The following PGC variants were observed in gnomAD, a reference collection of about 807,000 sequenced individuals.
PGC encodes the protein gastricsin.
Under a neutral mutation model 45.9 loss-of-function variants are expected in PGC, and 31 were observed. The ratio of observed to expected loss-of-function variants is 0.67; its 90% confidence interval spans 0.51 to 0.91. PGC has a LOEUF of 0.91. Among genes scored for constraint, PGC ranks in the 40% least tolerant of loss-of-function variants. The pLI, the probability that PGC is intolerant of heterozygous loss-of-function variation, is 0.00. For synonymous variants in PGC, 192 were observed against 201.8 expected (o/e 0.95, Z 0.41); for missense variants, 477 against 493.2 (o/e 0.97, Z 0.31).
chr6:41,741,530 C>T (rs1471660604), intron 5 of PGC, among the ~76,000 whole-genome samples: 1 of 152,174 alleles, frequency 6.6e-6, no homozygotes, highest in East Asian at 1.9e-4. Context: ...CCTGTAATCC[C>T]AGCTACTTGG....
chr6:41,739,277 T>C (rs149576103), intron 7 of PGC, among the ~76,000 whole-genome samples: 1 of 152,184 alleles, frequency 6.6e-6, no homozygotes, highest in Non-Finnish European at 1.5e-5. Context: ...TGCCTAATAG[T>C]AACCTCCTTC....
intron 1 of PGC, among the ~76,000 whole-genome samples, chr6:41,745,293 C>T (rs1771911120): frequency 6.6e-6 from 1 of 151,884 alleles, no homozygotes; most frequent in African/African-American, 2.4e-5. Flanking sequence ...GGCTAGAGTG[C>T]AATGGCACAA....
In PGC at chr6:41,737,021, G is replaced by A. The variant is rs1335452077; in HGVS notation, c.1015-17C>T. On this transcript the variant is annotated splice_polypyrimidine_tract_variant and intron_variant, in intron 8 of 8. Coordinates refer to ENST00000373025, the MANE Select transcript of PGC (RefSeq NM_002630.4). ...GCCGTTGTTCTGCTCAACAAAGAAA[G>A]GCAGCACTCATTCATTTGTCCACAC... is the stretch of plus-strand genomic sequence containing the variant. 2.5e-6 allele frequency: 4 copies of A among 1,608,820 alleles called. No individual in the cohort carries two copies. Among genetic ancestry groups the A allele is most frequent in the South Asian group, 1.1e-5 (1 of 90,342 alleles).
At chr6:41,743,488 G>A in intron 3 of PGC, 99 bp from the exon 4 acceptor site, 1 of 784,766 alleles carries the variant, frequency 1.3e-6, no homozygotes, top group African/African-American at 1.7e-5. Flanking sequence ...CGCTCAGGCT[G>A]CGCTCACATC....
intron 1 of PGC, 33 bp downstream of exon 1, chr6:41,747,243 C>G: frequency 6.3e-7 from 1 of 1,599,442 alleles, no homozygotes; most frequent in African/African-American, 1.3e-5. Context: ...CCCATCCAGG[C>G]TCCCTGCACC....
Position 41,744,687 on chromosome 6 carries a change from C to T in PGC, c.181G>A (p.Val61Met), listed in dbSNP as rs567722895. 1.0e-4 allele frequency: 169 copies of T among 1,614,158 alleles called. No homozygotes were observed. The East Asian group carries it at 2.6e-3, about 25-fold the overall frequency. ...ATGTAGGCCATGGGCTCGTAGGTCA[C>T]GCTGAGGTCACCAAAGCGGTACTTC... ...AWKYRFGDLS[V>M]TYEPMAYMDA... Residue 61 changes from valine to methionine, a missense_variant, in exon 2 of 9, where the codon GTG (valine) becomes ATG (methionine). Coordinates refer to ENST00000373025, the MANE Select transcript of PGC (RefSeq NM_002630.4). This position sits in a 1 kb window ranked among gnomAD's most constrained non-coding sequence, Gnocchi z 4.4.
intron 1 of PGC, 127 bp downstream of exon 1, chr6:41,747,149 A>T: frequency 1.3e-6 from 1 of 762,848 alleles, no homozygotes; most frequent in Non-Finnish European, 2.3e-6. Context: ...GCAAAGGGAG[A>T]CTTCCCTTCC....
intron 7 of PGC, among the ~76,000 whole-genome samples, chr6:41,738,157 C>CATATATATATACAT (rs5875767): frequency 1.1e-4 from 3 of 27,792 alleles, no homozygotes; most frequent in African/African-American, 2.4e-4. Context: ...TATATATATA[C>CATATATATATACAT]ATATATATGC....
chr6:41,742,565 C>T lies in PGC; in HGVS notation c.448-76G>A, dbSNP rs1581953333. 6 of 1,075,140 alleles carry T rather than the reference C, an allele frequency of 5.6e-6. No individual in the cohort carries two copies. The South Asian group carries it at 7.7e-5, about 14-fold the overall frequency. 66.6% of individuals were successfully genotyped at this position (1,075,140 alleles called of 1,614,324 possible). ...CCTCCAGGTTCCCCTAGAGACTCCTCAAGCCTCTGTTCATCCCTTCCTCAC... is the reference window on the plus strand; with the variant it reads ...CCTCCAGGTTCCCCTAGAGACTCCTTAAGCCTCTGTTCATCCCTTCCTCAC... On this transcript the variant is annotated intron_variant, in intron 4 of 8. Transcript: ENST00000373025.
chr6:41,743,218 C>A, intron 4 of PGC, 53 bp downstream of exon 4: 1 of 1,052,744 alleles, frequency 9.5e-7, no homozygotes, highest in South Asian at 1.3e-5. Context: ...ATCTAACTGT[C>A]CCCTCCAGCT....
At chr6:41,745,233 A>T (rs1225491690) in intron 1 of PGC, among the ~76,000 whole-genome samples, 1 of 111,218 alleles carries the variant, frequency 9.0e-6, no homozygotes, top group Non-Finnish European at 1.9e-5. Flanking sequence ...TACCCTTTTC[A>T]GGATATGTAC....
intron 3 of PGC, 86 bp from the exon 4 acceptor site, chr6:41,743,475 T>C: frequency 1.2e-6 from 1 of 845,134 alleles, no homozygotes; most frequent in Non-Finnish European, 2.1e-6. Flanking sequence ...CACCTCAGCC[T>C]CTCGCTCAGG....
At chr6:41,746,391 G>A (rs1771931719) in intron 1 of PGC, among the ~76,000 whole-genome samples, 1 of 152,218 alleles carries the variant, frequency 6.6e-6, no homozygotes, top group Admixed American at 6.5e-5. Context: ...CGGGAAGTTG[G>A]CCTGGGTGGT....
chr6:41,741,158 G>C (rs1004620617), intron 5 of PGC: 5 of 1,536,810 alleles, frequency 3.3e-6, no homozygotes, highest in Non-Finnish European at 4.4e-6. Context: ...TGGTGAAGGG[G>C]GTAAGGATAT....
chr6:41,743,968 T>A (rs1771878789), intron 3 of PGC, among the ~76,000 whole-genome samples: 1 of 152,202 alleles, frequency 6.6e-6, no homozygotes, highest in South Asian at 2.1e-4. Flanking sequence ...ACATCCTATA[T>A]TGTTCTGTTG....
chr6:41,740,937 C>A, intron 5 of PGC: 1 of 1,493,692 alleles, frequency 6.7e-7, no homozygotes, highest in Admixed American at 2.3e-5. Context: ...GTCCCTTAGA[C>A]TGGGGCTTTC....
intron 5 of PGC, chr6:41,741,941 C>A: frequency 2.1e-6 from 2 of 934,440 alleles, no homozygotes; most frequent in South Asian, 1.4e-5. Context: ...AGCGAACTGC[C>A]CCACCCGCTT....
chr6:41,747,061 G>A (rs377663928), intron 1 of PGC, among the ~76,000 whole-genome samples: 10 of 152,340 alleles, frequency 6.6e-5, no homozygotes, highest in African/African-American at 9.6e-5. Context: ...GGAAGGGATC[G>A]TGCTTTTCCC....
At chr6:41,739,260 A>C (rs1339848153) in intron 7 of PGC, among the ~76,000 whole-genome samples, 2 of 152,218 alleles carry the variant, frequency 1.3e-5, no homozygotes, top group Non-Finnish European at 2.9e-5. Context: ...AGCTCAGAAG[A>C]AATTCCTGCC....
Sources: allele counts gnomAD v4.1 joint callset (sites outside exome capture counted in the v4.1 genomes callset), GRCh38; gene constraint gnomAD v4.1.1; non-coding constraint Gnocchi (gnomAD v3.1); transcripts MANE v1.5; gene names NCBI Gene and HGNC (gene_info 2026-07-23, HGNC 2026-07-21).